SLC9B2: variants seen among roughly 807,000 people sequenced by gnomAD.
The protein encoded by SLC9B2 is solute carrier family 9 member B2.
SLC9B2 carries 39 observed loss-of-function variants against 52.2 expected under a neutral mutation model. The observed-to-expected ratio is 0.75, with a 90% CI of 0.58 to 0.98. The LOEUF is 0.98. Ranked by LOEUF, SLC9B2 falls within the 50% of genes least tolerant of loss-of-function variation. SLC9B2 has a pLI of 0.00. For synonymous variants in SLC9B2, 214 were observed against 227.0 expected, an observed-to-expected ratio of 0.94 and a Z score of 0.51; for missense variants, 626 against 637.5, an observed-to-expected ratio of 0.98 and a Z score of 0.19.
At chr4:103,067,006 C>G (rs1746193619) in intron 2 of SLC9B2, among the ~76,000 whole-genome samples, 1 of 149,310 alleles carries the variant, frequency 6.7e-6, no homozygotes, top group African/African-American at 2.5e-5. Flanking sequence ...AAAAAAAATC[C>G]AAGACACTTA....
At chr4:103,035,332 T>C (rs1441243028) in intron 9 of SLC9B2, among the ~76,000 whole-genome samples, 1 of 152,168 alleles carries the variant, frequency 6.6e-6, no homozygotes, top group Non-Finnish European at 1.5e-5. Context: ...TATGGCTGCA[T>C]AGTATTCGAT....
chr4:103,044,611 T>C (rs1743940369), intron 8 of SLC9B2, among the ~76,000 whole-genome samples: 1 of 152,200 alleles, frequency 6.6e-6, no homozygotes, highest in African/African-American at 2.4e-5. Context: ...TATGAACACT[T>C]AAAAAACTTG....
intron 1 of SLC9B2, among the ~76,000 whole-genome samples, chr4:103,069,591 C>T (rs1308374701): frequency 6.6e-6 from 1 of 152,136 alleles, no homozygotes. Flanking sequence ...TTTTGCTTTC[C>T]CTATTAAGCA....
rs978966183 is a variant in SLC9B2 at position 103,024,523 on chromosome 4, T to C, written c.*1847A>G. On this transcript the variant is annotated 3_prime_UTR_variant, in exon 12 of 12. Coordinates refer to ENST00000394785, the MANE Select transcript of SLC9B2 (RefSeq NM_178833.7). Reference sequence around the variant, plus strand: ...GAATAGAGGTGAAAGCCATGGTGGATAGGGCTCGAACAGAAGTCTAATGAA... The same window carrying C: ...GAATAGAGGTGAAAGCCATGGTGGACAGGGCTCGAACAGAAGTCTAATGAA... Among the ~76,000 whole-genome samples, 6 of 152,184 alleles carry C rather than the reference T, an allele frequency of 3.9e-5. No individual in the cohort carries two copies. Among genetic ancestry groups the C allele is most frequent in the African/African-American group, 1.4e-4 (6 of 41,452 alleles).
At chr4:103,063,480 G>A (rs1166777511) in intron 3 of SLC9B2, among the ~76,000 whole-genome samples, 1 of 151,972 alleles carries the variant, frequency 6.6e-6, no homozygotes, top group Non-Finnish European at 1.5e-5. Context: ...AAACATATGT[G>A]GGCATCCATA....
chr4:103,067,379 T>C (rs1167854580), intron 2 of SLC9B2, 82 bp downstream of exon 2: 2 of 1,269,666 alleles, frequency 1.6e-6, no homozygotes, highest in Non-Finnish European at 1.1e-6. Context: ...TGCCTTGGAT[T>C]GTGTAAGTTT....
At chr4:103,047,260 C>T (rs1041299979) in intron 6 of SLC9B2, 34 bp from the exon 7 acceptor site, 4 of 1,550,520 alleles carry the variant, frequency 2.6e-6, no homozygotes, top group Non-Finnish European at 3.5e-6. Context: ...TTTATGATAA[C>T]ATCTTACTTA....
At position 103,026,417 on chromosome 4, in the gene SLC9B2, G is replaced by C; in HGVS notation, c.1567C>G (p.Gln523Glu). 6.2e-7 allele frequency: 1 copy of C among 1,613,576 alleles called. No homozygotes were observed. The highest frequency in any genetic ancestry group is 8.5e-7 in the Non-Finnish European group (1 of 1,179,760). Residue 523 changes from glutamine (Q) to glutamate (E), a missense_variant, in exon 12 of 12, where the codon CAA (glutamine) becomes GAA (glutamate). Gln to Glu is a conservative substitution (Grantham distance 29). Transcript: ENST00000394785. ...GPRLLQKVEH[Q>E]NKDEEVQGET... Reference sequence around the variant, plus strand: ...CCTTGAACTTCTTCATCTTTATTTTGATGTTCAACTTTCTGCAGAAGCCTG... The same window carrying C: ...CCTTGAACTTCTTCATCTTTATTTTCATGTTCAACTTTCTGCAGAAGCCTG...
intron 8 of SLC9B2, 113 bp downstream of exon 8, chr4:103,044,777 G>A: frequency 1.2e-6 from 1 of 848,902 alleles, no homozygotes; most frequent in South Asian, 1.6e-5. Flanking sequence ...ATTTTAAAAT[G>A]AGGAACCATT....
At chr4:103,044,827 G>A (rs1044485096) in intron 8 of SLC9B2, 63 bp downstream of exon 8, 10 of 1,302,888 alleles carry the variant, frequency 7.7e-6, no homozygotes, top group South Asian at 2.4e-5. Context: ...TGAAGGAAGT[G>A]TTCTAGAATG....
At chr4:103,043,157 G>A (rs528778605) in intron 9 of SLC9B2, 139 bp downstream of exon 9, 55 of 844,596 alleles carry the variant, frequency 6.5e-5, no homozygotes, top group Admixed American at 4.2e-4. Flanking sequence ...TGAACACTGG[G>A]TGTACATTTG....
At chr4:103,053,998 C>T (rs1191526076) in intron 4 of SLC9B2, among the ~76,000 whole-genome samples, 1 of 152,084 alleles carries the variant, frequency 6.6e-6, no homozygotes, top group Non-Finnish European at 1.5e-5. Context: ...TGATTCCTGG[C>T]CTGGCATGGT....
At chr4:103,072,079 G>A (rs1416609678) in intron 1 of SLC9B2, among the ~76,000 whole-genome samples, 1 of 40,788 alleles carries the variant, frequency 2.5e-5, no homozygotes, top group Non-Finnish European at 4.3e-5. Flanking sequence ...TTTTTTTTGA[G>A]GTGGAGTTTC....
chr4:103,057,965 A>G lies in SLC9B2; in HGVS notation c.278T>C (p.Ile93Thr). 4 of 1,606,264 alleles carry G rather than the reference A, an allele frequency of 2.5e-6. 1 individual carries two copies. In the South Asian group the frequency reaches 4.5e-5, roughly 18 times the overall value. The change falls in exon 4 of 12, where the codon ATC (isoleucine) becomes ACC (threonine). Residue 93 changes from isoleucine (I) to threonine (T), a missense_variant. Coordinates refer to ENST00000394785, the MANE Select transcript of SLC9B2 (RefSeq NM_178833.7). The part of the protein sequence containing the change: ...LLDRVITNVT[I>T]IVLLWAVVWS... ...AACTACAGCCCACAGAAGAACAATG[A>G]TGGTAACTGAAATAAACCAGGAATA... is the stretch of plus-strand genomic sequence containing the variant.
chr4:103,033,235 A>G (rs1301352035), intron 9 of SLC9B2, among the ~76,000 whole-genome samples: 1 of 152,202 alleles, frequency 6.6e-6, no homozygotes, highest in African/African-American at 2.4e-5. Flanking sequence ...CATGTGTAAC[A>G]GAATAAGAAA....
chr4:103,029,760 G>A (rs1742536250), intron 10 of SLC9B2, among the ~76,000 whole-genome samples: 1 of 152,096 alleles, frequency 6.6e-6, no homozygotes, highest in African/African-American at 2.4e-5. Context: ...CATTTGTTGA[G>A]TGTTTACTCT....
chr4:103,039,573 A>G (rs1034099013), intron 9 of SLC9B2, among the ~76,000 whole-genome samples: 1 of 152,108 alleles, frequency 6.6e-6, no homozygotes, highest in Non-Finnish European at 1.5e-5. Context: ...AGTACCTGCC[A>G]CACGACAGAG....
intron 2 of SLC9B2, 109 bp from the exon 3 acceptor site, chr4:103,066,616 G>C (rs1417560286): frequency 9.5e-7 from 1 of 1,048,588 alleles, no homozygotes; most frequent in African/African-American, 1.6e-5. Context: ...TAGCATCAAG[G>C]ATAACACTTT....
chr4:103,037,458 G>C (rs929452053), intron 9 of SLC9B2, among the ~76,000 whole-genome samples: 1 of 152,194 alleles, frequency 6.6e-6, no homozygotes, highest in African/African-American at 2.4e-5. Context: ...GTTTGACAAA[G>C]AAGGATTACA....
Sources: allele counts gnomAD v4.1 joint callset (sites outside exome capture counted in the v4.1 genomes callset), GRCh38; gene constraint gnomAD v4.1.1; transcripts MANE v1.5; gene names NCBI Gene and HGNC (gene_info 2026-07-23, HGNC 2026-07-21).